Variants in ASAP2 observed in about 807,000 individuals in gnomAD.
The protein encoded by ASAP2 is ArfGAP with SH3 domain, ankyrin repeat and PH domain 2.
Under a neutral mutation model 131.4 loss-of-function variants are expected in ASAP2, and 45 were observed. The observed-to-expected ratio is 0.34, with a 90% CI of 0.27 to 0.44. ASAP2 has a LOEUF of 0.44. ASAP2 is among the 20% of genes least tolerant of loss of function. The probability of loss-of-function intolerance (pLI) is 1.00; values close to 1 mark genes in which losing one functional copy is unlikely to be tolerated. For missense variants in ASAP2, 1,011 were observed against 1,297.0 expected, an observed-to-expected ratio of 0.78 and a Z score of 3.39; for synonymous variants, 510 against 503.0, an observed-to-expected ratio of 1.01 and a Z score of -0.19.
Position 9,392,988 on chromosome 2 carries a change from C to A in ASAP2, c.2519-494C>A, listed in dbSNP as rs1457861665. Among the ~76,000 whole-genome samples, 1 of 152,188 alleles carries A rather than the reference C, an allele frequency of 6.6e-6. No individual in the cohort carries two copies. The highest frequency in any genetic ancestry group is 1.5e-5 in the Non-Finnish European group (1 of 68,046). On this transcript the variant is annotated intron_variant, in intron 23 of 27. Coordinates refer to ENST00000281419, the MANE Select transcript of ASAP2 (RefSeq NM_003887.3). This position sits in a 1 kb window ranked among gnomAD's most constrained non-coding sequence, Gnocchi z 4.0. Reference sequence around the variant, plus strand: ...GACACTAAGAAAGCTCTTCACCCACCCACTCCGGAGACTGAGGAGCCGTTA... The same window carrying A: ...GACACTAAGAAAGCTCTTCACCCACACACTCCGGAGACTGAGGAGCCGTTA...
chr2:9,270,784 CATTTTTT>C (rs1390070069), intron 1 of ASAP2, among the ~76,000 whole-genome samples: 3 of 69,740 alleles, frequency 4.3e-5, no homozygotes, highest in Non-Finnish European at 9.2e-5. Flanking sequence ...CAATTGTTTT[CATTTTTT>C]TTTTTTTTTT....
chr2:9,388,766 G>T (rs1342317634), intron 22 of ASAP2, among the ~76,000 whole-genome samples: 1 of 152,180 alleles, frequency 6.6e-6, no homozygotes, highest in Non-Finnish European at 1.5e-5. Context: ...TGTGGCATCT[G>T]CCTGGCTTGG....
chr2:9,390,493 C>T (rs754593307), intron 22 of ASAP2, among the ~76,000 whole-genome samples: 44 of 152,212 alleles, frequency 2.9e-4, no homozygotes, highest in Admixed American at 1.3e-3. Context: ...CTGGAAAATG[C>T]CATCTCTTGT....
At chr2:9,251,944 T>C (rs1664739237) in intron 1 of ASAP2, among the ~76,000 whole-genome samples, 1 of 152,164 alleles carries the variant, frequency 6.6e-6, no homozygotes, top group South Asian at 2.1e-4. Flanking sequence ...CTTAATTTTT[T>C]TTTTTTAATT....
At position 9,335,228 on chromosome 2, in the gene ASAP2, A is replaced by C. The variant is rs573177400; in HGVS notation, c.849+49A>C. ...ATTGCAGTTTTCACCCCATTCTTGGAGGCTTTGGGTCTGAAGAACATGAAG... is the reference window on the plus strand; with the variant it reads ...ATTGCAGTTTTCACCCCATTCTTGGCGGCTTTGGGTCTGAAGAACATGAAG... On this transcript the variant is annotated intron_variant, in intron 9 of 27. Transcript: ENST00000281419. 10 of 1,551,008 alleles carry C rather than the reference A, an allele frequency of 6.4e-6. No homozygotes were observed. The South Asian group carries it at 9.0e-5, about 14-fold the overall frequency.
chr2:9,400,811 T>G lies in ASAP2; in HGVS notation c.2804T>G (p.Met935Arg). 6.2e-7 allele frequency: 1 copy of G among 1,613,632 alleles called. No homozygotes were observed. Among genetic ancestry groups the G allele is most frequent in the Non-Finnish European group, 8.5e-7 (1 of 1,179,948 alleles). ...ATGGTCCTGCAGCCCCCTGCACCCA[T>G]GCCTAGGAAGTCGCAGGCAGTAAGT... ...NAMVLQPPAP[M>R]PRKSQATKLK... The change falls in exon 26 of 28, where the codon ATG (methionine) becomes AGG (arginine). Residue 935 changes from methionine (M) to arginine (R), a missense_variant. Coordinates refer to ENST00000281419, the MANE Select transcript of ASAP2 (RefSeq NM_003887.3).
chr2:9,351,219 C>G (rs370197094), intron 12 of ASAP2, among the ~76,000 whole-genome samples: 1 of 152,196 alleles, frequency 6.6e-6, no homozygotes, highest in South Asian at 2.1e-4. Context: ...AACTCCTTCA[C>G]TTGAAAAAGA....
Position 9,403,425 on chromosome 2 carries a change from C to T in ASAP2, c.*98C>T, listed in dbSNP as rs536636279. 75 of 1,167,174 alleles carry T rather than the reference C, an allele frequency of 6.4e-5. 1 individual carries two copies. The African/African-American group carries it at 9.6e-4, about 15-fold the overall frequency. 72.3% of individuals were successfully genotyped at this position (1,167,174 alleles called of 1,614,324 possible). A position where few individuals can be genotyped will look rare whatever the true frequency, so the allele number is the denominator to read the frequency against. ...CCAGTTTCATGAACTGTTTGTATGG[C>T]AGCCCATGTTCTCTAATGCCACTGC... is the stretch of plus-strand genomic sequence containing the variant. On this transcript the variant is annotated 3_prime_UTR_variant, in exon 28 of 28. Transcript: ENST00000281419.
chr2:9,352,522 C>T (rs1672424610), intron 12 of ASAP2, among the ~76,000 whole-genome samples: 1 of 152,196 alleles, frequency 6.6e-6, no homozygotes, highest in African/African-American at 2.4e-5. Context: ...CCAGCATGCT[C>T]CACAGGGAGA....
chr2:9,340,027 T>C (rs1671475434), intron 9 of ASAP2, among the ~76,000 whole-genome samples: 1 of 152,078 alleles, frequency 6.6e-6, no homozygotes, highest in Non-Finnish European at 1.5e-5. Context: ...CTGCAGCTTT[T>C]TGTTTGTTTG....
At chr2:9,239,395 T>C (rs1663780818) in intron 1 of ASAP2, among the ~76,000 whole-genome samples, 1 of 152,214 alleles carries the variant, frequency 6.6e-6, no homozygotes. Flanking sequence ...TGTTTAATTA[T>C]GATTGTTGAC....
chr2:9,229,925 C>A (rs757503105), intron 1 of ASAP2, among the ~76,000 whole-genome samples: 3 of 151,996 alleles, frequency 2.0e-5, no homozygotes, highest in Non-Finnish European at 2.9e-5. Context: ...GCAGCCCTGG[C>A]GGTTGTCAGT....
chr2:9,353,932 G>C (rs1347153565), intron 12 of ASAP2, among the ~76,000 whole-genome samples: 1 of 152,056 alleles, frequency 6.6e-6, no homozygotes, highest in African/African-American at 2.4e-5. Flanking sequence ...CTGTGATTGT[G>C]CCACTGCACT....
chr2:9,364,349 A>G (rs928982101), intron 15 of ASAP2, among the ~76,000 whole-genome samples: 4 of 152,126 alleles, frequency 2.6e-5, no homozygotes, highest in Non-Finnish European at 5.9e-5. Context: ...CTCTACAAAA[A>G]AAAAAAAGTT....
intron 7 of ASAP2, among the ~76,000 whole-genome samples, chr2:9,333,797 A>G (rs1052970332): frequency 6.6e-6 from 1 of 152,162 alleles, no homozygotes; most frequent in African/African-American, 2.4e-5. Flanking sequence ...GGCAGCACTG[A>G]ACACCAGCCC....
At chr2:9,213,119 A>G (rs1365728168) in intron 1 of ASAP2, among the ~76,000 whole-genome samples, 1 of 152,258 alleles carries the variant, frequency 6.6e-6, no homozygotes, top group African/African-American at 2.4e-5. Flanking sequence ...AAAGTCATGC[A>G]TAACATGGGG....
chr2:9,212,254 T>A (rs528754158), intron 1 of ASAP2, among the ~76,000 whole-genome samples: 7 of 152,276 alleles, frequency 4.6e-5, no homozygotes, highest in Admixed American at 6.5e-5. Context: ...AACAGAATCC[T>A]GTAAACAAAT....
intron 1 of ASAP2, among the ~76,000 whole-genome samples, chr2:9,254,208 C>CAAAAAAAAAAAAAAAA (rs1167547534): frequency 6.4e-5 from 1 of 15,628 alleles, no homozygotes. Flanking sequence ...GAGACTGTCT[C>CAAAAAAAAAAAAAAAA]AAAAAAAAAA....
At chr2:9,310,118 G>T (rs1485887416) in intron 3 of ASAP2, among the ~76,000 whole-genome samples, 1 of 152,234 alleles carries the variant, frequency 6.6e-6, no homozygotes, top group Non-Finnish European at 1.5e-5. Flanking sequence ...ACAAGGTGTT[G>T]CTTGGCCTGT....
Sources: gnomAD v4.1 joint callset for allele counts (sites outside exome capture counted in the v4.1 genomes callset) on GRCh38, gnomAD v4.1.1 for gene constraint, Gnocchi (gnomAD v3.1) non-coding constraint, MANE v1.5 for transcripts, NCBI Gene and HGNC (gene_info 2026-07-23, HGNC 2026-07-21) for gene names.